The following ELAPOR1 variants were observed in gnomAD, a reference collection of about 807,000 sequenced individuals.
The protein encoded by ELAPOR1 is endosome-lysosome associated apoptosis and autophagy regulator 1, also known as endosome/lysosome-associated apoptosis and autophagy regulator 1.
In ELAPOR1, 77 loss-of-function variants were observed where a neutral mutation model predicts 119.7. That is an observed-to-expected ratio of 0.64 (90% confidence interval 0.54 to 0.78). The LOEUF (loss-of-function observed/expected upper bound fraction) is 0.78. Ranked by LOEUF, ELAPOR1 falls within the 30% of genes least tolerant of loss-of-function variation. The pLI, the probability that ELAPOR1 is intolerant of heterozygous loss-of-function variation, is 0.00. For synonymous variants in ELAPOR1, 481 were observed against 487.2 expected (o/e 0.99, Z 0.17); for missense variants, 1,115 against 1,270.4 (o/e 0.88, Z 1.86).
intron 4 of ELAPOR1, 34 bp downstream of exon 4, chr1:109,172,047 A>G: frequency 6.2e-7 from 1 of 1,612,652 alleles, no homozygotes; most frequent in Non-Finnish European, 8.5e-7. Context: ...GGTGGGAGCT[A>G]AAAAGCCTCT....
intron 1 of ELAPOR1, among the ~76,000 whole-genome samples, chr1:109,159,073 T>C (rs1651077031): frequency 6.6e-6 from 1 of 152,048 alleles, no homozygotes; most frequent in South Asian, 2.1e-4. Context: ...TTTGTATTTT[T>C]AGTAGAGACA....
intron 8 of ELAPOR1, among the ~76,000 whole-genome samples, chr1:109,185,519 T>C (rs1163984577): frequency 6.6e-6 from 1 of 152,188 alleles, no homozygotes; most frequent in Non-Finnish European, 1.5e-5. Context: ...GCACGGGGAA[T>C]GGATTCCTGC....
At chr1:109,136,206 C>A (rs1331312842) in intron 1 of ELAPOR1, among the ~76,000 whole-genome samples, 1 of 152,100 alleles carries the variant, frequency 6.6e-6, no homozygotes, top group East Asian at 1.9e-4. Context: ...GAAATGGGGT[C>A]TTTGCGGATG....
At chr1:109,177,905 A>G (rs985135665) in intron 7 of ELAPOR1, among the ~76,000 whole-genome samples, 20 of 152,124 alleles carry the variant, frequency 1.3e-4, no homozygotes, top group African/African-American at 4.8e-4. Flanking sequence ...GTGCTGTTAT[A>G]AAAGCATTAG....
chr1:109,143,032 C>A (rs1196390533), intron 1 of ELAPOR1, among the ~76,000 whole-genome samples: 1 of 152,096 alleles, frequency 6.6e-6, no homozygotes, highest in Non-Finnish European at 1.5e-5. Flanking sequence ...TCACTGCAAC[C>A]TCCGGCTTCC....
At chr1:109,151,695 A>C (rs754054754) in intron 1 of ELAPOR1, among the ~76,000 whole-genome samples, 3 of 152,130 alleles carry the variant, frequency 2.0e-5, no homozygotes, top group Non-Finnish European at 4.4e-5. Context: ...GGGAACTTTT[A>C]GAGTTTGTCA....
intron 3 of ELAPOR1, among the ~76,000 whole-genome samples, chr1:109,167,046 A>G (rs1651644695): frequency 6.6e-6 from 1 of 152,206 alleles, no homozygotes; most frequent in Non-Finnish European, 1.5e-5. Context: ...TAGCATGACA[A>G]TACTGGAGGC....
chr1:109,194,738 C>A, intron 15 of ELAPOR1, 144 bp downstream of exon 15: 1 of 653,644 alleles, frequency 1.5e-6, no homozygotes, highest in Non-Finnish European at 2.6e-6. Flanking sequence ...ATTATTCTCC[C>A]TGAGGACTTT....
Position 109,200,193 on chromosome 1 carries a change from C to A in ELAPOR1, c.2763C>A (p.Ile921=), listed in dbSNP as rs1654083059. 2.5e-6 allele frequency: 4 copies of A among 1,614,212 alleles called. No homozygotes were observed. The highest frequency in any genetic ancestry group is 3.4e-6 in the Non-Finnish European group (4 of 1,180,050). ...TCTCTGCAGGCACCTGTACTGCCAT[C>A]CTGCTCACCGTCTTGACCTGCTACT... ...VGISAGTCTA[I]LLTVLTCYFW... The change falls in exon 20 of 22, where the codon ATC becomes ATA. Residue 921 remains isoleucine (I), a synonymous_variant. Coordinates refer to ENST00000369939, the MANE Select transcript of ELAPOR1 (RefSeq NM_020775.5).
intron 1 of ELAPOR1, among the ~76,000 whole-genome samples, chr1:109,121,307 C>T (rs548216082): frequency 4.9e-4 from 75 of 151,950 alleles, no homozygotes; most frequent in East Asian, 2.7e-3. Context: ...CCATCACTCC[C>T]GGCTAATTTT....
At chr1:109,158,309 CTT>C (rs386368020) in intron 1 of ELAPOR1, among the ~76,000 whole-genome samples, 18 of 131,598 alleles carry the variant, frequency 1.4e-4, no homozygotes, top group Admixed American at 4.7e-4. Context: ...TGACAGTTTT[CTT>C]TTTTTTTTTT....
At chr1:109,156,398 C>T (rs892628904) in intron 1 of ELAPOR1, among the ~76,000 whole-genome samples, 2 of 152,260 alleles carry the variant, frequency 1.3e-5, no homozygotes, top group Middle Eastern at 3.4e-3. Context: ...AGTACATTCA[C>T]ACTGTTGTGC....
chr1:109,171,509 G>A (rs570126605), intron 3 of ELAPOR1, among the ~76,000 whole-genome samples: 21 of 151,962 alleles, frequency 1.4e-4, no homozygotes, highest in African/African-American at 4.6e-4. Flanking sequence ...CCGAGGCCAC[G>A]CCACTGCACT....
chr1:109,144,240 C>T (rs183314540), intron 1 of ELAPOR1, among the ~76,000 whole-genome samples: 1 of 149,724 alleles, frequency 6.7e-6, no homozygotes, highest in South Asian at 2.1e-4. Context: ...TTTGTAGAGA[C>T]GGGGCTTCTC....
chr1:109,204,388 T>C lies in ELAPOR1; in HGVS notation c.*1376T>C, dbSNP rs1654370774. The C allele has an allele frequency of 6.6e-6, 1 of 152,178 alleles. No individual in the cohort carries two copies. Among genetic ancestry groups the C allele is most frequent in the Non-Finnish European group, 1.5e-5 (1 of 68,064 alleles). The allele number at this position is 152,178 out of a possible 1,614,324, so 9.4% of individuals were successfully genotyped here. On this transcript the variant is annotated 3_prime_UTR_variant, in exon 22 of 22. Transcript: ENST00000369939. ...ACCTTCCACTATCACTCTATGACAC[T>C]GAAAAGAACCAGGTAAGCCCCAAAC...
rs147315759 is a variant in ELAPOR1 at position 109,163,046 on chromosome 1, G to C, written c.274+1032G>C. Among the ~76,000 whole-genome samples, 3 of 152,366 alleles carry C rather than the reference G, an allele frequency of 2.0e-5. No individual in the cohort carries two copies. In the East Asian group the frequency reaches 5.8e-4, roughly 29 times the overall value. ...AGTCACTGAGCCAGCCATCCCCAGA[G>C]GAGCGCAGAGCCTAGTGGGTGGCAG... On this transcript the variant is annotated intron_variant, in intron 2 of 21. Coordinates refer to ENST00000369939, the MANE Select transcript of ELAPOR1 (RefSeq NM_020775.5).
rs577844450 is a variant in ELAPOR1, at chr1:109,122,490, C to A, written c.153+8154C>A. ...CCTGGGCAACATAGCAAGACCCCAA[C>A]TTTACAAAACAGTTTTAAAAATTAG... is the stretch of plus-strand genomic sequence containing the variant. On this transcript the variant is annotated intron_variant, in intron 1 of 21. Coordinates refer to ENST00000369939, the MANE Select transcript of ELAPOR1 (RefSeq NM_020775.5). Among the ~76,000 whole-genome samples the A allele has an allele frequency of 2.6e-5, 4 of 151,762 alleles. No individual in the cohort carries two copies. In the South Asian group the frequency reaches 8.4e-4, roughly 32 times the overall value.
At chr1:109,138,101 C>T (rs1649589230) in intron 1 of ELAPOR1, among the ~76,000 whole-genome samples, 1 of 152,166 alleles carries the variant, frequency 6.6e-6, no homozygotes, top group Non-Finnish European at 1.5e-5. Context: ...TCCACCCAAC[C>T]CTGCCCCCAG....
intron 9 of ELAPOR1, among the ~76,000 whole-genome samples, chr1:109,188,620 C>T (rs760692847): frequency 2.6e-5 from 4 of 152,142 alleles, no homozygotes; most frequent in Non-Finnish European, 5.9e-5. Flanking sequence ...GCCCAATCCT[C>T]AAAGCAGGGC....
Sources: allele counts gnomAD v4.1 joint callset (sites outside exome capture counted in the v4.1 genomes callset), GRCh38; gene constraint gnomAD v4.1.1; transcripts MANE v1.5; gene names NCBI Gene and HGNC (gene_info 2026-07-23, HGNC 2026-07-21).